Variants in MYO10 observed in about 807,000 individuals in gnomAD.
MYO10 encodes the protein unconventional myosin-X.
In MYO10, 133 loss-of-function variants were observed where a neutral mutation model predicts 257.3. That is an observed-to-expected ratio of 0.52 (90% confidence interval 0.45 to 0.60). MYO10 has a LOEUF of 0.60. MYO10 is among the 20% of genes least tolerant of loss of function. The pLI is 0.00. For missense variants in MYO10, 2,399 were observed against 2,635.7 expected (o/e 0.91, Z 1.97); for synonymous variants, 1,104 against 1,028.6 (o/e 1.07, Z -1.40).
rs1019510497 is a variant in MYO10 at position 16,810,726 on chromosome 5, G to T, written c.279+7283C>A. ...GGAGGTCAAGGCTGCAAAGAACTATGATCACACCATTGCACTCCAGCCTGG... is the reference window on the plus strand; with the variant it reads ...GGAGGTCAAGGCTGCAAAGAACTATTATCACACCATTGCACTCCAGCCTGG... On this transcript the variant is annotated intron_variant, in intron 3 of 40. Coordinates refer to ENST00000513610, the MANE Select transcript of MYO10 (RefSeq NM_012334.3). Among the ~76,000 whole-genome samples, 3 of 152,184 alleles carry T rather than the reference G, an allele frequency of 2.0e-5. No homozygotes were observed. The East Asian group carries it at 5.8e-4, about 30-fold the overall frequency.
chr5:16,828,593 C>T lies in MYO10; in HGVS notation c.121-10426G>A, dbSNP rs985886632. 3.5e-5 allele frequency among the ~76,000 whole-genome samples: 5 copies of T among 144,632 alleles called. No individual in the cohort carries two copies. The Admixed American group carries it at 3.5e-4, about 10-fold the overall frequency. 94.9% of individuals were successfully genotyped at this position (144,632 alleles called of 152,430 possible). A position where few individuals can be genotyped will look rare whatever the true frequency, so the allele number is the denominator to read the frequency against. On this transcript the variant is annotated intron_variant, in intron 2 of 40. Transcript: ENST00000513610. ...TGAGATTGCGCCACTGCACTCCAGC[C>T]TGGATGACAGAGAGAGACTCTGTCT...
chr5:16,898,168 C>T (rs1183495165), intron 1 of MYO10, among the ~76,000 whole-genome samples: 1 of 152,020 alleles, frequency 6.6e-6, no homozygotes, highest in Non-Finnish European at 1.5e-5. Context: ...CTTTCGGGAG[C>T]CCCCAGGTCA....
intron 3 of MYO10, among the ~76,000 whole-genome samples, chr5:16,796,362 A>C (rs1741955870): frequency 9.4e-6 from 1 of 105,952 alleles, no homozygotes. Context: ...GAAAGGAAAG[A>C]AAGGGAAGAA....
chr5:16,865,316 C>T (rs1744212771), intron 2 of MYO10, among the ~76,000 whole-genome samples: 1 of 152,166 alleles, frequency 6.6e-6, no homozygotes, highest in African/African-American at 2.4e-5. Context: ...CCCACCCACC[C>T]CGATATTCAT....
chr5:16,807,668 T>C (rs1742319602), intron 3 of MYO10, among the ~76,000 whole-genome samples: 1 of 152,052 alleles, frequency 6.6e-6, no homozygotes, highest in Non-Finnish European at 1.5e-5. Context: ...TAAATAACAA[T>C]GCATCACAAT....
At chr5:16,751,061 TAATACACAAAATACCTA>T (rs1400419866) in intron 19 of MYO10, among the ~76,000 whole-genome samples, 4 of 152,098 alleles carry the variant, frequency 2.6e-5, no homozygotes, top group African/African-American at 9.7e-5. Flanking sequence ...TGCTTCTGAA[TAATACACAAAATACCTA>T]AATACACACA....
intron 2 of MYO10, among the ~76,000 whole-genome samples, chr5:16,864,938 C>T (rs1249825459): frequency 6.6e-6 from 1 of 152,128 alleles, no homozygotes; most frequent in African/African-American, 2.4e-5. Flanking sequence ...CAGTGGTGTT[C>T]AATCTCTGGA....
At position 16,882,968 on chromosome 5, in the gene MYO10, T is replaced by C. The variant is rs986645980; in HGVS notation, c.22-5261A>G. 3.3e-5 allele frequency among the ~76,000 whole-genome samples: 5 copies of C among 152,044 alleles called. No individual in the cohort carries two copies. In the East Asian group the frequency reaches 5.8e-4, roughly 18 times the overall value. ...TCTCACTCTGTCACCCAGGCTGGAA[T>C]GCAGTAGTGCAATCTCGGCTCACTG... is the stretch of plus-strand genomic sequence containing the variant. On this transcript the variant is annotated intron_variant, in intron 1 of 40. Transcript: ENST00000513610.
chr5:16,855,251 G>A (rs918117750), intron 2 of MYO10, among the ~76,000 whole-genome samples: 1 of 152,136 alleles, frequency 6.6e-6, no homozygotes, highest in East Asian at 1.9e-4. Context: ...TCAAATGGCA[G>A]GAATTATTTT....
At chr5:16,768,456 C>G (rs926264961) in intron 10 of MYO10, among the ~76,000 whole-genome samples, 1 of 152,054 alleles carries the variant, frequency 6.6e-6, no homozygotes, top group Non-Finnish European at 1.5e-5. Context: ...CCACCTGACT[C>G]TCAACATTTT....
intron 4 of MYO10, 99 bp from the exon 5 acceptor site, chr5:16,783,568 T>C (rs1233803384): frequency 1.5e-6 from 2 of 1,298,724 alleles, no homozygotes; most frequent in Non-Finnish European, 2.1e-6. Flanking sequence ...AGAACAATGG[T>C]AGAAAGGTGG....
At chr5:16,672,163 T>G (rs1269447368) in intron 37 of MYO10, among the ~76,000 whole-genome samples, 2 of 151,944 alleles carry the variant, frequency 1.3e-5, no homozygotes, top group Admixed American at 6.6e-5. Context: ...GGCGTGGTAG[T>G]ACATGCCTGT....
In MYO10 at chr5:16,665,763, TA is replaced by T. The variant is rs926813109; in HGVS notation, c.*928del. 1 of 152,668 alleles carries T rather than the reference TA, an allele frequency of 6.6e-6. No individual in the cohort carries two copies. Among genetic ancestry groups the T allele is most frequent in the Middle Eastern group, 3.2e-3 (1 of 316 alleles). 9.5% of individuals were successfully genotyped at this position (152,668 alleles called of 1,614,324 possible). A position where few individuals can be genotyped will look rare whatever the true frequency, so the allele number is the denominator to read the frequency against. ...CTCCAAAATGACTTCATTCTTGTTC[TA>T]AAACCAGCACTGGAGCCAGCTGTTG... On this transcript the variant is annotated 3_prime_UTR_variant, in exon 41 of 41. Coordinates refer to ENST00000513610, the MANE Select transcript of MYO10 (RefSeq NM_012334.3).
intron 19 of MYO10, among the ~76,000 whole-genome samples, chr5:16,725,845 T>C (rs1035244839): frequency 6.7e-6 from 1 of 149,908 alleles, no homozygotes; most frequent in African/African-American, 2.5e-5. Flanking sequence ...TGGAGTGCAG[T>C]GGCGTGATCT....
At chr5:16,880,822 C>T (rs1208985444) in intron 1 of MYO10, among the ~76,000 whole-genome samples, 1 of 152,182 alleles carries the variant, frequency 6.6e-6, no homozygotes, top group Admixed American at 6.5e-5. Context: ...TGACTTCAGG[C>T]ATCTGCTACG....
At chr5:16,786,327 G>C (rs546551231) in intron 4 of MYO10, among the ~76,000 whole-genome samples, 1 of 152,280 alleles carries the variant, frequency 6.6e-6, no homozygotes, top group East Asian at 1.9e-4. Flanking sequence ...GATGCTTCAA[G>C]AGTGTATGAC....
chr5:16,822,319 T>G (rs531760028), intron 2 of MYO10, among the ~76,000 whole-genome samples: 1 of 152,136 alleles, frequency 6.6e-6, no homozygotes, highest in South Asian at 2.1e-4. Flanking sequence ...TTTTAGAAAT[T>G]TAGAAAATCA....
chr5:16,894,171 C>T (rs138351518), intron 1 of MYO10, among the ~76,000 whole-genome samples: 192 of 152,310 alleles, frequency 1.3e-3, no homozygotes, highest in African/African-American at 4.3e-3. Flanking sequence ...CTCAATGCCA[C>T]ACTTCATTCA....
At chr5:16,819,925 G>T (rs942651241) in intron 2 of MYO10, among the ~76,000 whole-genome samples, 1 of 152,206 alleles carries the variant, frequency 6.6e-6, no homozygotes, top group African/African-American at 2.4e-5. Flanking sequence ...GGCCAAGATA[G>T]GGACCCACCC....
Sources: gnomAD v4.1 joint callset for allele counts (sites outside exome capture counted in the v4.1 genomes callset) on GRCh38, gnomAD v4.1.1 for gene constraint, MANE v1.5 for transcripts, NCBI Gene and HGNC (gene_info 2026-07-23, HGNC 2026-07-21) for gene names.